Variants in TCERG1L observed in about 807,000 individuals in gnomAD.
The protein encoded by TCERG1L is transcription elongation regulator 1-like protein.
Under a neutral mutation model 56.3 loss-of-function variants are expected in TCERG1L, and 37 were observed. The ratio of observed to expected loss-of-function variants is 0.66; its 90% CI spans 0.51 to 0.87. The LOEUF is 0.87. Ranked by LOEUF, TCERG1L falls within the 40% of genes least tolerant of loss-of-function variation. The pLI is 0.00. For missense variants in TCERG1L, 799 were observed against 774.2 expected, an observed-to-expected ratio of 1.03 and a Z score of -0.38; for synonymous variants, 324 against 326.3, an observed-to-expected ratio of 0.99 and a Z score of 0.08.
chr10:131,274,511 G>A (rs144334302), intron 3 of TCERG1L, among the ~76,000 whole-genome samples: 271 of 152,208 alleles, frequency 1.8e-3, no homozygotes, highest in Middle Eastern at 0.01. Flanking sequence ...TTTCATCTGC[G>A]TGCCCCTCCT....
intron 4 of TCERG1L, among the ~76,000 whole-genome samples, chr10:131,223,924 C>G (rs913018707): frequency 6.6e-6 from 1 of 151,978 alleles, no homozygotes; most frequent in Non-Finnish European, 1.5e-5. Flanking sequence ...GCCCTGTCCC[C>G]TCCCCAGGCC....
chr10:131,244,457 G>T (rs1043569211), intron 4 of TCERG1L, among the ~76,000 whole-genome samples: 2 of 152,114 alleles, frequency 1.3e-5, no homozygotes, highest in African/African-American at 4.8e-5. Context: ...GAGTAGGTGG[G>T]GAGGGGCCTC....
At chr10:131,137,214 C>T (rs1845685620) in intron 7 of TCERG1L, among the ~76,000 whole-genome samples, 1 of 152,136 alleles carries the variant, frequency 6.6e-6, no homozygotes, top group African/African-American at 2.4e-5. Flanking sequence ...TCAGCCTCTC[C>T]ACCCCAACAC....
At chr10:131,163,259 T>C (rs1400787691) in intron 5 of TCERG1L, 49 bp from the exon 6 acceptor site, 2 of 1,382,836 alleles carry the variant, frequency 1.4e-6, no homozygotes, top group Non-Finnish European at 1.9e-6. Context: ...TAAACACTCA[T>C]CTTCAATTAC....
At chr10:131,167,117 A>G (rs143776722) in intron 4 of TCERG1L, among the ~76,000 whole-genome samples, 119 of 152,320 alleles carry the variant, frequency 7.8e-4, no homozygotes, top group African/African-American at 2.8e-3. Context: ...AGGCCTGGGC[A>G]CACACATGCA....
At chr10:131,280,052 G>T (rs1183272615) in intron 3 of TCERG1L, among the ~76,000 whole-genome samples, 1 of 152,222 alleles carries the variant, frequency 6.6e-6, no homozygotes, top group Admixed American at 6.5e-5. Flanking sequence ...GCTTGAGGAT[G>T]CATGGCTGCG....
chr10:131,176,003 G>C (rs78792841), intron 4 of TCERG1L, among the ~76,000 whole-genome samples: 1 of 152,126 alleles, frequency 6.6e-6, no homozygotes, highest in Non-Finnish European at 1.5e-5. Flanking sequence ...TTTAAGCAAC[G>C]CCCACCTTTC....
intron 8 of TCERG1L, among the ~76,000 whole-genome samples, chr10:131,133,715 C>A (rs955442044): frequency 9.2e-5 from 14 of 152,206 alleles, no homozygotes; most frequent in Non-Finnish European, 2.1e-4. Context: ...GGCAGACCAG[C>A]AGCCACACAG....
At chr10:131,121,271 A>G (rs1845509694) in intron 8 of TCERG1L, among the ~76,000 whole-genome samples, 1 of 152,178 alleles carries the variant, frequency 6.6e-6, no homozygotes, top group Admixed American at 6.5e-5. Flanking sequence ...GCCTGTCTGC[A>G]GATGTGATGA....
At chr10:131,164,199 C>T (rs1322159523) in intron 5 of TCERG1L, 5 of 149,318 alleles carry the variant, frequency 3.3e-5, no homozygotes, top group Admixed American at 2.7e-4. Flanking sequence ...AAGATCTATG[C>T]CCTAAAATTA....
chr10:131,302,638 T>A (rs1371504801), intron 3 of TCERG1L, among the ~76,000 whole-genome samples: 6 of 151,662 alleles, frequency 4.0e-5, no homozygotes, highest in African/African-American at 1.5e-4. Flanking sequence ...TTTTTTTTTT[T>A]TTATTATACT....
chr10:131,272,316 G>C (rs1846348657), intron 3 of TCERG1L, among the ~76,000 whole-genome samples: 1 of 152,240 alleles, frequency 6.6e-6, no homozygotes, highest in Admixed American at 6.5e-5. Flanking sequence ...ACGTGCGTTT[G>C]AACTGCTGTT....
At chr10:131,131,113 A>T (rs189232675) in intron 8 of TCERG1L, among the ~76,000 whole-genome samples, 1 of 152,132 alleles carries the variant, frequency 6.6e-6, no homozygotes, top group Non-Finnish European at 1.5e-5. Flanking sequence ...ATATATTTCC[A>T]CTTCAAAACA....
chr10:131,175,884 G>A (rs1053827787), intron 4 of TCERG1L, among the ~76,000 whole-genome samples: 2 of 152,114 alleles, frequency 1.3e-5, no homozygotes, highest in African/African-American at 2.4e-5. Context: ...GACAGGAAGC[G>A]GGGAGGAAGG....
At chr10:131,210,735 T>G (rs1476879919) in intron 4 of TCERG1L, among the ~76,000 whole-genome samples, 2 of 152,092 alleles carry the variant, frequency 1.3e-5, no homozygotes, top group African/African-American at 4.8e-5. Context: ...CCTTATTCCT[T>G]CTTTGCTAAC....
intron 3 of TCERG1L, among the ~76,000 whole-genome samples, chr10:131,288,958 C>A (rs1278289003): frequency 1.2e-4 from 19 of 152,210 alleles, no homozygotes; most frequent in African/African-American, 3.9e-4. Context: ...ATTTCAGCCA[C>A]ACCATTTGTG....
At chr10:131,132,285 C>T (rs1216651631) in intron 8 of TCERG1L, among the ~76,000 whole-genome samples, 4 of 152,234 alleles carry the variant, frequency 2.6e-5, no homozygotes, top group East Asian at 1.9e-4. Context: ...TCCTCTCCCA[C>T]GGAATCTTCA....
At chr10:131,099,524 C>T (rs1312469840) in intron 10 of TCERG1L, among the ~76,000 whole-genome samples, 4 of 152,204 alleles carry the variant, frequency 2.6e-5, no homozygotes, top group Admixed American at 6.5e-5. Flanking sequence ...GGGCACCAAT[C>T]CAACCAACGG....
chr10:131,155,320 A>G (rs1193696844), intron 6 of TCERG1L, among the ~76,000 whole-genome samples: 1 of 152,254 alleles, frequency 6.6e-6, no homozygotes, highest in East Asian at 1.9e-4. Context: ...TCATTGTTAA[A>G]TAATGAGCCG....
Sources: allele counts gnomAD v4.1 joint callset (sites outside exome capture counted in the v4.1 genomes callset), GRCh38; gene constraint gnomAD v4.1.1; transcripts MANE v1.5; gene names NCBI Gene and HGNC (gene_info 2026-07-23, HGNC 2026-07-21).